The following RYR2 variants were observed in gnomAD, a reference collection of about 807,000 sequenced individuals.
RYR2 encodes the protein cardiac muscle ryanodine receptor-calcium release channel.
RYR2 carries 227 observed loss-of-function variants against 601.1 expected under a neutral mutation model. The ratio of observed to expected loss-of-function variants is 0.38; its 90% CI spans 0.34 to 0.42. RYR2 has a LOEUF of 0.42. Among genes scored for constraint, RYR2 ranks in the 10% least tolerant of loss-of-function variants. The pLI is 1.00. For synonymous variants in RYR2, 2,223 were observed against 2,175.1 expected, an observed-to-expected ratio of 1.02 and a Z score of -0.61; for missense variants, 4,646 against 6,156.5, an observed-to-expected ratio of 0.75 and a Z score of 8.21.
At chr1:237,136,571 T>C (rs1481859691) in intron 1 of RYR2, among the ~76,000 whole-genome samples, 4 of 152,158 alleles carry the variant, frequency 2.6e-5, no homozygotes, top group Non-Finnish European at 5.9e-5. Flanking sequence ...TTAGAATGCA[T>C]GTTGAATGCT....
chr1:237,669,824 G>T (rs1684734002), intron 58 of RYR2, among the ~76,000 whole-genome samples: 1 of 150,806 alleles, frequency 6.6e-6, no homozygotes, highest in South Asian at 2.1e-4. Context: ...CAGGCAGAGG[G>T]GCTCCTCACA....
intron 25 of RYR2, among the ~76,000 whole-genome samples, chr1:237,540,923 A>G (rs1489802157): frequency 6.6e-6 from 1 of 151,876 alleles, no homozygotes; most frequent in Non-Finnish European, 1.5e-5. Context: ...ATATATATAT[A>G]TATATATGTA....
At chr1:237,720,580 T>G (rs1689635365) in intron 73 of RYR2, among the ~76,000 whole-genome samples, 1 of 152,254 alleles carries the variant, frequency 6.6e-6, no homozygotes, top group Non-Finnish European at 1.5e-5. Context: ...AAGAAAAGTT[T>G]ACACTACAAA....
chr1:237,489,617 A>T (rs1663099659), intron 17 of RYR2, among the ~76,000 whole-genome samples: 1 of 152,312 alleles, frequency 6.6e-6, no homozygotes, highest in South Asian at 2.1e-4. Context: ...AAATTGTGCC[A>T]TTGCATTCCA....
At chr1:237,049,735 G>C (rs1386597778) in intron 1 of RYR2, among the ~76,000 whole-genome samples, 1 of 152,156 alleles carries the variant, frequency 6.6e-6, no homozygotes, top group African/African-American at 2.4e-5. Flanking sequence ...AATAAGAGAA[G>C]CTTGCAGACA....
chr1:237,068,345 A>AAAAATATT, intron 1 of RYR2, among the ~76,000 whole-genome samples: 1 of 152,276 alleles, frequency 6.6e-6, no homozygotes. Context: ...ATGCCTCAGC[A>AAAAATATT]AAAATATTAG....
intron 34 of RYR2, among the ~76,000 whole-genome samples, chr1:237,599,671 A>G (rs879660012): frequency 3.9e-5 from 6 of 152,048 alleles, no homozygotes; most frequent in Non-Finnish European, 8.8e-5. Context: ...AAATACAAAA[A>G]AATTAGCCGG....
At chr1:237,227,372 G>A (rs776925830) in intron 1 of RYR2, among the ~76,000 whole-genome samples, 3 of 152,130 alleles carry the variant, frequency 2.0e-5, no homozygotes, top group Non-Finnish European at 2.9e-5. Flanking sequence ...TGTCTTTGTC[G>A]TGAAAGCAGC....
chr1:237,585,191 A>G (rs1674393326), intron 29 of RYR2, among the ~76,000 whole-genome samples: 1 of 152,222 alleles, frequency 6.6e-6, no homozygotes. Context: ...AGTCATTTAT[A>G]GAGTTTGCTG....
rs1664093286 is a variant in RYR2, at chr1:237,496,526, T to C, written c.1977T>C (p.Ile659=). 6.2e-7 allele frequency: 1 copy of C among 1,613,794 alleles called. No homozygotes were observed. Among genetic ancestry groups the C allele is most frequent in the African/African-American group, 1.3e-5 (1 of 74,914 alleles). The change falls in exon 20 of 105, where the codon ATT becomes ATC. Residue 659 remains isoleucine, a synonymous_variant. Coordinates refer to ENST00000366574, the MANE Select transcript of RYR2 (RefSeq NM_001035.3). ...VNHVSSMRPN[I]FLGVSEGSAQ... ...CTCTTTAAAGCATGAGACCCAATAT[T>C]TTTCTGGGCGTCAGTGAAGGTTCTG... is the stretch of plus-strand genomic sequence containing the variant.
chr1:237,287,208 G>C (rs1328184689), intron 2 of RYR2, among the ~76,000 whole-genome samples: 1 of 152,122 alleles, frequency 6.6e-6, no homozygotes, highest in African/African-American at 2.4e-5. Context: ...TCCTTTATAG[G>C]CTACCTGGTG....
intron 22 of RYR2, among the ~76,000 whole-genome samples, chr1:237,506,448 G>T (rs561828437): frequency 4.6e-5 from 7 of 151,938 alleles, no homozygotes; most frequent in African/African-American, 1.7e-4. Context: ...TGAGGCAGGA[G>T]AATGGTGTGA....
chr1:237,159,714 T>G (rs1266439918), intron 1 of RYR2, among the ~76,000 whole-genome samples: 1 of 152,126 alleles, frequency 6.6e-6, no homozygotes, highest in Non-Finnish European at 1.5e-5. Context: ...AAAATAAATA[T>G]GTACTTAGCA....
chr1:237,368,981 G>A (rs559040346), intron 5 of RYR2, among the ~76,000 whole-genome samples: 5 of 152,010 alleles, frequency 3.3e-5, no homozygotes, highest in South Asian at 2.1e-4. Context: ...GCATCACCAC[G>A]CCCAGCTAAT....
At position 237,819,279 on chromosome 1, in the gene RYR2, G is replaced by A. The variant is rs565442890; in HGVS notation, c.14590+87G>A. On this transcript the variant is annotated intron_variant, in intron 101 of 104. Transcript: ENST00000366574. This position sits in a 1 kb window ranked among gnomAD's most constrained non-coding sequence, Gnocchi z 4.0. ...TTAATATTCAAGGTAGGGTAATGAC[G>A]TCAAGTGTTTCCTGGCAAAGCCAAA... 14 of 1,277,442 alleles carry A rather than the reference G, an allele frequency of 1.1e-5. No individual in the cohort carries two copies. Among genetic ancestry groups the A allele is most frequent in the African/African-American group, 8.8e-5 (6 of 68,182 alleles). 79.1% of individuals were successfully genotyped at this position (1,277,442 alleles called of 1,614,324 possible).
At position 237,700,365 on chromosome 1, in the gene RYR2, G is replaced by C. The variant is rs753686674; in HGVS notation, c.9265G>C (p.Gly3089Arg). 1 of 1,605,870 alleles carries C rather than the reference G, an allele frequency of 6.2e-7. No homozygotes were observed. The highest frequency in any genetic ancestry group is 1.1e-5 in the South Asian group (1 of 89,270). Residue 3089 changes from glycine to arginine, a missense_variant, in exon 65 of 105, where the codon GGG (glycine) becomes CGG (arginine). Coordinates refer to ENST00000366574, the MANE Select transcript of RYR2 (RefSeq NM_001035.3). ...CACTCACACCCGAAACCAGCCCAAAGGGGTTACTCAGATTATCAATTACAC... is the reference window on the plus strand; with the variant it reads ...CACTCACACCCGAAACCAGCCCAAACGGGTTACTCAGATTATCAATTACAC... ...QFTHTRNQPK[G>R]VTQIINYTTV...
At chr1:237,594,885 G>GGTTTTTTTTTTTGTTTGTTT (rs1675638353) in intron 33 of RYR2, among the ~76,000 whole-genome samples, 7 of 79,056 alleles carry the variant, frequency 8.9e-5, no homozygotes, top group Admixed American at 4.4e-4. Context: ...AATATCACTG[G>GGTTTTTTTTTTTGTTTGTTT]GTTTTTTTTT....
intron 2 of RYR2, among the ~76,000 whole-genome samples, chr1:237,308,094 A>C (rs970252158): frequency 2.6e-5 from 4 of 152,188 alleles, no homozygotes; most frequent in Admixed American, 2.6e-4. Flanking sequence ...TACCCTCTAG[A>C]TGTTTATTAT....
intron 12 of RYR2, 151 bp from the exon 13 acceptor site, chr1:237,441,168 A>C: frequency 1.5e-6 from 1 of 646,892 alleles, no homozygotes; most frequent in Non-Finnish European, 2.7e-6. Context: ...TAGAGGTCGA[A>C]CTGTTAGAGT....
Sources: allele counts gnomAD v4.1 joint callset (sites outside exome capture counted in the v4.1 genomes callset), GRCh38; gene constraint gnomAD v4.1.1; non-coding constraint Gnocchi (gnomAD v3.1); transcripts MANE v1.5; gene names NCBI Gene and HGNC (gene_info 2026-07-23, HGNC 2026-07-21).